EXT2: variants seen among roughly 807,000 people sequenced by gnomAD.
EXT2 encodes exostosin glycosyltransferase 2, also known as exostosin-2.
A neutral mutation model predicts 81.6 loss-of-function variants in EXT2; 53 were observed. The observed-to-expected ratio is 0.65, with a 90% confidence interval of 0.52 to 0.82. The LOEUF is 0.82. EXT2 is among the 40% of genes least tolerant of loss of function. The pLI is 0.00. For missense variants in EXT2, 774 were observed against 910.2 expected, an observed-to-expected ratio of 0.85 and a Z score of 1.93; for synonymous variants, 320 against 340.0, an observed-to-expected ratio of 0.94 and a Z score of 0.65.
At chr11:44,097,141 T>C (rs1953909672) in intron 1 of EXT2, among the ~76,000 whole-genome samples, 1 of 152,224 alleles carries the variant, frequency 6.6e-6, no homozygotes, top group Non-Finnish European at 1.5e-5. Context: ...TAATAATAGC[T>C]TGGCTTATAG....
At chr11:44,151,116 T>A (rs1954785925) in intron 7 of EXT2, among the ~76,000 whole-genome samples, 1 of 152,168 alleles carries the variant, frequency 6.6e-6, no homozygotes, top group Non-Finnish European at 1.5e-5. Flanking sequence ...ACAGCAAAAT[T>A]GAGCAGAAAC....
chr11:44,172,782 C>T (rs900033424), intron 8 of EXT2, among the ~76,000 whole-genome samples: 4 of 152,092 alleles, frequency 2.6e-5, no homozygotes, highest in Non-Finnish European at 5.9e-5. Flanking sequence ...CAGGGTTGGC[C>T]AGGCTGGTCT....
At chr11:44,183,485 T>C (rs1025451886) in intron 8 of EXT2, among the ~76,000 whole-genome samples, 6 of 152,208 alleles carry the variant, frequency 3.9e-5, no homozygotes, top group Non-Finnish European at 7.3e-5. Flanking sequence ...CTTTAATCCA[T>C]TTTTGGAAAG....
intron 10 of EXT2, among the ~76,000 whole-genome samples, chr11:44,230,595 G>C (rs191712105): frequency 4.6e-5 from 7 of 152,272 alleles, no homozygotes; most frequent in African/African-American, 1.7e-4. Flanking sequence ...TTGCACAGGG[G>C]GGAAGATGGC....
chr11:44,234,628 A>G (rs1233120688), intron 12 of EXT2, among the ~76,000 whole-genome samples: 1 of 151,926 alleles, frequency 6.6e-6, no homozygotes, highest in Non-Finnish European at 1.5e-5. Context: ...TTGAGAAAAT[A>G]GTACACCTCA....
At position 44,197,978 on chromosome 11, in the gene EXT2, A is replaced by T. The variant is rs1158727032; in HGVS notation, c.1455A>T (p.Leu485=). ...EVSKVPSLSK[L]LVVWNNQNKN... is the part of the protein sequence containing the mutation. ...CCAAGGTGCCCAGTCTATCCAAACT[A>T]CTTGTCGTCTGGAATAATCAGAATA... is the stretch of plus-strand genomic sequence containing the variant. Residue 485 remains leucine (L), a synonymous_variant, in exon 9 of 14, where the codon CTA becomes CTT. Transcript: ENST00000533608. The T allele has an allele frequency of 6.2e-7, 1 of 1,614,012 alleles. No homozygotes were observed. The highest frequency in any genetic ancestry group is 2.2e-5 in the East Asian group (1 of 44,876).
chr11:44,240,043 T>C (rs1956019275), intron 13 of EXT2, among the ~76,000 whole-genome samples: 1 of 152,176 alleles, frequency 6.6e-6, no homozygotes, highest in African/African-American at 2.4e-5. Flanking sequence ...TACATGGCAT[T>C]GTTTAGGGAA....
intron 10 of EXT2, among the ~76,000 whole-genome samples, chr11:44,228,248 A>G (rs761984517): frequency 8.5e-5 from 13 of 152,344 alleles, no homozygotes; most frequent in South Asian, 4.1e-4. Flanking sequence ...TGTGAATAAT[A>G]TAACTGTGGA....
intron 9 of EXT2, among the ~76,000 whole-genome samples, chr11:44,202,326 C>T (rs532653470): frequency 3.3e-4 from 51 of 152,276 alleles, no homozygotes; most frequent in Non-Finnish European, 4.9e-4. Flanking sequence ...TATACACATT[C>T]GCCAATTGTA....
Position 44,247,500 on chromosome 11 carries a change from C to G in EXT2, c.*3213C>G, listed in dbSNP as rs1956106118. ...CTCCTGACCTCAGGTGATCTGCACG[C>G]CTTGACCTCCCAAAGTGCTGGGATT... On this transcript the variant is annotated 3_prime_UTR_variant, in exon 14 of 14. Transcript: ENST00000533608. Among the ~76,000 whole-genome samples the G allele has an allele frequency of 6.6e-6, 1 of 152,204 alleles. No individual in the cohort carries two copies. The highest frequency in any genetic ancestry group is 2.4e-5 in the African/African-American group (1 of 41,448).
chr11:44,223,852 C>T (rs1007652008), intron 10 of EXT2, among the ~76,000 whole-genome samples: 47 of 152,040 alleles, frequency 3.1e-4, no homozygotes, highest in African/African-American at 1.1e-3. Context: ...GGGGTTTCAC[C>T]GTGTTACCCA....
At chr11:44,239,634 G>A (rs1004531291) in intron 13 of EXT2, among the ~76,000 whole-genome samples, 14 of 144,678 alleles carry the variant, frequency 9.7e-5, no homozygotes, top group Non-Finnish European at 1.3e-4. Flanking sequence ...CTCAGGATCC[G>A]CCCACCTCGG....
At chr11:44,193,822 T>A (rs1380391106) in intron 8 of EXT2, among the ~76,000 whole-genome samples, 1 of 152,166 alleles carries the variant, frequency 6.6e-6, no homozygotes, top group African/African-American at 2.4e-5. Flanking sequence ...TCTCCAGTAC[T>A]CAAGCCCTAT....
chr11:44,177,608 T>G (rs982273092), intron 8 of EXT2, among the ~76,000 whole-genome samples: 3 of 152,234 alleles, frequency 2.0e-5, no homozygotes, highest in Non-Finnish European at 4.4e-5. Flanking sequence ...TGTAATATAG[T>G]CTGAAAATTA....
rs1049307697 is a variant in EXT2, at chr11:44,109,252, T to A, written c.595T>A (p.Tyr199Asn). The change falls in exon 3 of 14, where the codon TAT (tyrosine) becomes AAT (asparagine). Residue 199 changes from tyrosine (Y) to asparagine (N), a missense_variant. Coordinates refer to ENST00000533608, the MANE Select transcript of EXT2 (RefSeq NM_207122.2). ...CATGTTGCCTGGAGGTCCCCCAGATTATAACACAGCCCTGGATGTCCCCAG... is the reference window on the plus strand; with the variant it reads ...CATGTTGCCTGGAGGTCCCCCAGATAATAACACAGCCCTGGATGTCCCCAG... ...FNMLPGGPPDYNTALDVPRDR... is the reference protein window; with the variant it reads ...FNMLPGGPPDNNTALDVPRDR... 1.2e-6 allele frequency: 2 copies of A among 1,614,032 alleles called. No individual in the cohort carries two copies. Among genetic ancestry groups the A allele is most frequent in the African/African-American group, 2.7e-5 (2 of 74,924 alleles).
chr11:44,147,080 A>G (rs916644131), intron 7 of EXT2, among the ~76,000 whole-genome samples: 1 of 152,154 alleles, frequency 6.6e-6, no homozygotes, highest in Non-Finnish European at 1.5e-5. Context: ...GTAACATTGC[A>G]TGCCTGCCTT....
chr11:44,152,496 G>A (rs147753440), intron 7 of EXT2, among the ~76,000 whole-genome samples: 46 of 152,112 alleles, frequency 3.0e-4, no homozygotes, highest in African/African-American at 1.1e-3. Context: ...GACTACAGGT[G>A]CACACCACCA....
chr11:44,116,420 A>G (rs1303149468), intron 4 of EXT2: 1 of 152,184 alleles, frequency 6.6e-6, no homozygotes, highest in African/African-American at 2.4e-5. Flanking sequence ...TCATCAGTTG[A>G]TGGAAATTTG....
chr11:44,174,114 T>A (rs1955120990), intron 8 of EXT2, among the ~76,000 whole-genome samples: 2 of 152,254 alleles, frequency 1.3e-5, no homozygotes, highest in Non-Finnish European at 2.9e-5. Flanking sequence ...CTTTTGCTCA[T>A]CTCATAGGTG....
Sources: allele counts gnomAD v4.1 joint callset (sites outside exome capture counted in the v4.1 genomes callset), GRCh38; gene constraint gnomAD v4.1.1; transcripts MANE v1.5; gene names NCBI Gene and HGNC (gene_info 2026-07-23, HGNC 2026-07-21).